Variants in NTM observed in about 807,000 individuals in gnomAD.
NTM encodes IgLON family member 2.
Under a neutral mutation model 42.1 loss-of-function variants are expected in NTM, and 13 were observed. That is an observed-to-expected ratio of 0.31 (90% confidence interval 0.20 to 0.49). The LOEUF is 0.49. Among genes scored for constraint, NTM ranks in the 20% least tolerant of loss-of-function variants. The pLI is 0.99. For synonymous variants in NTM, 187 were observed against 179.2 expected (o/e 1.04, Z -0.35); for missense variants, 373 against 452.8 (o/e 0.82, Z 1.60).
At chr11:132,319,801 A>G (rs890932052) in intron 7 of NTM, among the ~76,000 whole-genome samples, 2 of 152,230 alleles carry the variant, frequency 1.3e-5, no homozygotes, top group African/African-American at 4.8e-5. Flanking sequence ...TGGAGATCTG[A>G]GAACAGGCAG....
intron 2 of NTM, among the ~76,000 whole-genome samples, chr11:131,932,657 T>A (rs530657248): frequency 6.6e-6 from 1 of 152,206 alleles, no homozygotes; most frequent in Non-Finnish European, 1.5e-5. Flanking sequence ...GAATAGGAGA[T>A]GATGCTGATG....
intron 1 of NTM, among the ~76,000 whole-genome samples, chr11:131,613,974 T>C (rs548800622): frequency 2.6e-5 from 4 of 152,310 alleles, no homozygotes; most frequent in Non-Finnish European, 2.9e-5. Flanking sequence ...CACGCAGACA[T>C]GCACCATGTT....
At chr11:132,100,753 C>G (rs1457912710) in intron 2 of NTM, among the ~76,000 whole-genome samples, 4 of 152,172 alleles carry the variant, frequency 2.6e-5, no homozygotes, top group Admixed American at 6.5e-5. Context: ...GCCCCACCCC[C>G]ACGCATACAT....
chr11:131,777,354 C>A (rs1033648609), intron 1 of NTM, among the ~76,000 whole-genome samples: 7 of 151,628 alleles, frequency 4.6e-5, no homozygotes, highest in African/African-American at 1.7e-4. Context: ...CAATTATATT[C>A]ATTTTTATTA....
intron 1 of NTM, among the ~76,000 whole-genome samples, chr11:131,779,477 A>C (rs2087664848): frequency 6.6e-6 from 1 of 152,184 alleles, no homozygotes; most frequent in Admixed American, 6.5e-5. Flanking sequence ...TTTAAGCACC[A>C]GCAATATGAT....
At chr11:131,513,942 C>T (rs1274612848) in intron 1 of NTM, among the ~76,000 whole-genome samples, 1 of 152,134 alleles carries the variant, frequency 6.6e-6, no homozygotes, top group African/African-American at 2.4e-5. Context: ...GACCCTCACC[C>T]TCCTGACAGA....
intron 1 of NTM, among the ~76,000 whole-genome samples, chr11:131,646,834 C>A (rs1233475016): frequency 6.6e-6 from 1 of 152,180 alleles, no homozygotes; most frequent in African/African-American, 2.4e-5. Context: ...CCCAGTGAGA[C>A]ATATTTCCCA....
rs142866632 is a variant in NTM at position 131,671,744 on chromosome 11, G to A, written c.83-239820G>A. 7.4e-3 allele frequency among the ~76,000 whole-genome samples: 1,126 copies of A among 152,346 alleles called. 7 individuals are homozygous for A. The highest frequency in any genetic ancestry group is 0.013 in the Non-Finnish European group (857 of 68,040). The stretch of plus-strand genomic sequence containing the variant: ...CCATCGACAGTGGTCGATCAAAGAA[G>A]TGGCATCGAAAGTGGCAAAGAGAAG... On this transcript the variant is annotated intron_variant, in intron 1 of 8. Transcript: ENST00000683400.
At chr11:131,795,416 CT>C in intron 1 of NTM, 1 of 985,240 alleles carries the variant, frequency 1.0e-6, no homozygotes, top group African/African-American at 1.7e-5. Context: ...TAGGACTGTC[CT>C]TAAATACACT....
Position 131,647,453 on chromosome 11 carries a change from T to C in NTM, c.83-264111T>C, listed in dbSNP as rs1014238579. ...TGTAAAATATTGTGGAGGGAGGTCATCTGGGGAGTCCCTTAGCAAACAAGG... is the reference window on the plus strand; with the variant it reads ...TGTAAAATATTGTGGAGGGAGGTCACCTGGGGAGTCCCTTAGCAAACAAGG... On this transcript the variant is annotated intron_variant, in intron 1 of 8. Transcript: ENST00000683400. Among the ~76,000 whole-genome samples, 6 of 152,312 alleles carry C rather than the reference T, an allele frequency of 3.9e-5. No individual in the cohort carries two copies. In the East Asian group the frequency reaches 5.8e-4, roughly 15 times the overall value.
chr11:132,181,056 T>A (rs1294204058), intron 3 of NTM, among the ~76,000 whole-genome samples: 2 of 152,198 alleles, frequency 1.3e-5, no homozygotes, highest in Non-Finnish European at 2.9e-5. Context: ...ACACAAGCAA[T>A]TGCCTATTGC....
intron 1 of NTM, among the ~76,000 whole-genome samples, chr11:131,391,458 C>A (rs750557113): frequency 2.6e-5 from 4 of 151,956 alleles, no homozygotes; most frequent in Non-Finnish European, 4.4e-5. Flanking sequence ...TTTCTACCAG[C>A]GATCATTAGC....
Position 132,117,274 on chromosome 11 carries a change from G to A in NTM, c.168-29008G>A, listed in dbSNP as rs141782685. 1.8e-3 allele frequency among the ~76,000 whole-genome samples: 269 copies of A among 152,326 alleles called. 1 individual carries two copies. The highest frequency in any genetic ancestry group is 6.3e-3 in the African/African-American group (260 of 41,572). On this transcript the variant is annotated intron_variant, in intron 2 of 8. Transcript: ENST00000683400. ...GCCAATGTCTCCATAAGGGAAGGGA[G>A]CATTGCTTTTTGTTTCTTCTCTAGT...
At chr11:131,854,669 A>AC (rs1252191199) in intron 1 of NTM, among the ~76,000 whole-genome samples, 1 of 152,220 alleles carries the variant, frequency 6.6e-6, no homozygotes, top group Non-Finnish European at 1.5e-5. Flanking sequence ...AAATTAGGCC[A>AC]CGATAAGGAG....
At chr11:131,670,358 A>C (rs942539080) in intron 1 of NTM, among the ~76,000 whole-genome samples, 6 of 150,646 alleles carry the variant, frequency 4.0e-5, no homozygotes, top group African/African-American at 1.5e-4. Flanking sequence ...TCTCTCTCTT[A>C]CTTTCTTCCT....
chr11:131,593,819 A>G (rs2059591289), intron 1 of NTM, among the ~76,000 whole-genome samples: 1 of 152,206 alleles, frequency 6.6e-6, no homozygotes, highest in Non-Finnish European at 1.5e-5. Flanking sequence ...TGCACTTGGC[A>G]GGTTGCTTTA....
At chr11:131,655,695 T>C (rs1316430115) in intron 1 of NTM, among the ~76,000 whole-genome samples, 1 of 152,228 alleles carries the variant, frequency 6.6e-6, no homozygotes, top group East Asian at 1.9e-4. Flanking sequence ...TGAGATCCCC[T>C]AGATGTTTAG....
intron 2 of NTM, among the ~76,000 whole-genome samples, chr11:131,933,302 C>G (rs2058840031): frequency 6.6e-6 from 1 of 152,182 alleles, no homozygotes; most frequent in Admixed American, 6.5e-5. Flanking sequence ...CCGCAGGCAT[C>G]ACCTGGGCTC....
At chr11:132,209,158 T>C (rs563148407) in intron 3 of NTM, among the ~76,000 whole-genome samples, 8 of 152,332 alleles carry the variant, frequency 5.3e-5, no homozygotes, top group Middle Eastern at 3.4e-3. Flanking sequence ...ACTAAGAGAA[T>C]TTAGAAGCTT....
Sources: gnomAD v4.1 joint callset for allele counts (sites outside exome capture counted in the v4.1 genomes callset) on GRCh38, gnomAD v4.1.1 for gene constraint, MANE v1.5 for transcripts, NCBI Gene and HGNC (gene_info 2026-07-23, HGNC 2026-07-21) for gene names.